The following MYH10 variants were observed in gnomAD, a reference collection of about 807,000 sequenced individuals.
MYH10 encodes myosin heavy chain 10, also known as myosin-10.
MYH10 carries 55 observed loss-of-function variants against 257.8 expected under a neutral mutation model. That is an observed-to-expected ratio of 0.21 (90% confidence interval 0.17 to 0.27). The LOEUF is 0.27. Ranked by LOEUF, MYH10 falls within the 10% of genes least tolerant of loss-of-function variation. The pLI, the probability that MYH10 is intolerant of heterozygous loss-of-function variation, is 1.00. For synonymous variants in MYH10, 854 were observed against 921.7 expected (o/e 0.93, Z 1.33); for missense variants, 1,631 against 2,500.6 (o/e 0.65, Z 7.42).
intron 7 of MYH10, among the ~76,000 whole-genome samples, chr17:8,559,550 T>C (rs1215737270): frequency 6.6e-6 from 1 of 152,178 alleles, no homozygotes; most frequent in East Asian, 1.9e-4. Flanking sequence ...ATTTCTAAGA[T>C]GACAAAACAG....
intron 24 of MYH10, chr17:8,511,015 CATATATAT>C (rs56144668): frequency 7.4e-4 from 89 of 120,542 alleles, no homozygotes; most frequent in African/African-American, 3.0e-3. Context: ...TCATGTACCC[CATATATAT>C]ATATATATAT....
At chr17:8,547,782 T>C (rs2082492768) in intron 11 of MYH10, among the ~76,000 whole-genome samples, 1 of 147,294 alleles carries the variant, frequency 6.8e-6, no homozygotes, top group Non-Finnish European at 1.5e-5. Flanking sequence ...TTTATATCCA[T>C]ATTATATTTA....
chr17:8,491,978 C>T (rs1184275471), intron 34 of MYH10, among the ~76,000 whole-genome samples: 1 of 152,208 alleles, frequency 6.6e-6, no homozygotes, highest in Non-Finnish European at 1.5e-5. Context: ...CCTGTGACGG[C>T]AGAACCATGA....
intron 23 of MYH10, 92 bp downstream of exon 23, chr17:8,513,446 C>G: frequency 6.5e-7 from 1 of 1,541,112 alleles, no homozygotes; most frequent in Non-Finnish European, 8.7e-7. Context: ...GTGGGTACAG[C>G]TATTCATAAT....
chr17:8,580,301 C>T (rs1299452312), intron 4 of MYH10, among the ~76,000 whole-genome samples: 2 of 146,412 alleles, frequency 1.4e-5, no homozygotes, highest in South Asian at 2.5e-4. Flanking sequence ...AGGTAAACTT[C>T]AAATAGTTTT....
chr17:8,558,600 AAG>A (rs1162823497), intron 7 of MYH10, among the ~76,000 whole-genome samples: 2 of 152,244 alleles, frequency 1.3e-5, no homozygotes, highest in Non-Finnish European at 2.9e-5. Context: ...TACTATGTTG[AAG>A]AGATACAACA....
chr17:8,485,358 T>C (rs1321704047), intron 36 of MYH10, among the ~76,000 whole-genome samples: 1 of 151,886 alleles, frequency 6.6e-6, no homozygotes, highest in Non-Finnish European at 1.5e-5. Context: ...GGAAAGATTA[T>C]CCATGTTTGT....
intron 30 of MYH10, among the ~76,000 whole-genome samples, chr17:8,496,505 C>T (rs528096641): frequency 1.3e-5 from 2 of 152,274 alleles, no homozygotes; most frequent in East Asian, 3.9e-4. Flanking sequence ...TCCTCACCTA[C>T]CAGAGGGGTT....
chr17:8,590,306 ATTTCTTT>A, intron 3 of MYH10, among the ~76,000 whole-genome samples: 1 of 152,100 alleles, frequency 6.6e-6, no homozygotes, highest in East Asian at 1.9e-4. Context: ...CTCAAGTCTA[ATTTCTTT>A]TTTCTTTTTC....
At chr17:8,565,450 T>C (rs1475080528) in intron 7 of MYH10, among the ~76,000 whole-genome samples, 1 of 152,218 alleles carries the variant, frequency 6.6e-6, no homozygotes, top group Non-Finnish European at 1.5e-5. Flanking sequence ...TAGTACTGTG[T>C]AGGTAACACC....
chr17:8,521,486 G>C (rs2081654881), intron 17 of MYH10: 1 of 591,776 alleles, frequency 1.7e-6, no homozygotes, highest in Non-Finnish European at 3.0e-6. Flanking sequence ...GGATACTGTA[G>C]TGCTTTGACA....
rs910698691 is a variant in MYH10 at position 8,506,891 on chromosome 17, C to T, written c.3215-402G>A. Among the ~76,000 whole-genome samples, 12 of 152,186 alleles carry T rather than the reference C, an allele frequency of 7.9e-5. No homozygotes were observed. The highest frequency in any genetic ancestry group is 2.4e-4 in the African/African-American group (10 of 41,462). On this transcript the variant is annotated intron_variant, in intron 26 of 42. Coordinates refer to ENST00000360416, the MANE Select transcript of MYH10 (RefSeq NM_001256012.3). The surrounding 1 kb of genome is among the most constrained non-coding windows in gnomAD (Gnocchi z 5.0). The stretch of plus-strand genomic sequence containing the variant: ...ACCCCATTCCCTTTTCCATGGGAAC[C>T]CCTGTTCTGAACCAAGAAAACTGCC...
In MYH10 at chr17:8,552,814, C is replaced by G. The variant is rs933601052; in HGVS notation, c.821-670G>C. Among the ~76,000 whole-genome samples the G allele has an allele frequency of 1.3e-5, 2 of 152,210 alleles. No homozygotes were observed. ...TCTGAAGAACCGGTGCGGCCAGTAC[C>G]TACGCCTGCTGCTACCCACCCTGCC... On this transcript the variant is annotated intron_variant, in intron 8 of 42. Coordinates refer to ENST00000360416, the MANE Select transcript of MYH10 (RefSeq NM_001256012.3). This position sits in a 1 kb window ranked among gnomAD's most constrained non-coding sequence, Gnocchi z 4.8.
intron 21 of MYH10, among the ~76,000 whole-genome samples, chr17:8,517,343 G>C (rs2081505032): frequency 6.6e-6 from 1 of 152,120 alleles, no homozygotes; most frequent in Admixed American, 6.5e-5. Context: ...TGGGCAAGCA[G>C]ACTGCCCAGG....
chr17:8,586,055 G>A (rs750147610), intron 4 of MYH10, among the ~76,000 whole-genome samples: 1 of 152,120 alleles, frequency 6.6e-6, no homozygotes, highest in Non-Finnish European at 1.5e-5. Context: ...CCCAGTATAT[G>A]CAGCTGCCAC....
chr17:8,603,311 T>G, intron 3 of MYH10, among the ~76,000 whole-genome samples: 1 of 152,224 alleles, frequency 6.6e-6, no homozygotes, highest in Non-Finnish European at 1.5e-5. Flanking sequence ...CGGATAGATC[T>G]GGTCAACCTC....
chr17:8,583,283 T>C (rs2152033594), intron 4 of MYH10, among the ~76,000 whole-genome samples: 1 of 152,322 alleles, frequency 6.6e-6, no homozygotes, highest in East Asian at 1.9e-4. Flanking sequence ...TTCTTTTTCT[T>C]CCATAACATA....
intron 35 of MYH10, among the ~76,000 whole-genome samples, chr17:8,489,708 A>ACACACACACACACACACACACACAC: frequency 0.014 from 1,340 of 93,012 alleles, 65 homozygotes; most frequent in Middle Eastern, 0.025. Context: ...CGTCTGAAAA[A>ACACACACACACACACACACACACAC]ACACACACAC....
chr17:8,509,477 C>T (rs1326613331), intron 25 of MYH10, among the ~76,000 whole-genome samples: 1 of 152,196 alleles, frequency 6.6e-6, no homozygotes, highest in Non-Finnish European at 1.5e-5. Context: ...GGAGCTTGGC[C>T]CAGCTGCCTG....
Sources: allele counts gnomAD v4.1 joint callset (sites outside exome capture counted in the v4.1 genomes callset), GRCh38; gene constraint gnomAD v4.1.1; non-coding constraint Gnocchi (gnomAD v3.1); transcripts MANE v1.5; gene names NCBI Gene and HGNC (gene_info 2026-07-23, HGNC 2026-07-21).